DACH2: variants seen among roughly 807,000 people sequenced by gnomAD.
DACH2 encodes dachshund homolog 2.
A neutral mutation model predicts 35.8 loss-of-function variants in DACH2; 17 were observed. The ratio of observed to expected loss-of-function variants is 0.48; its 90% CI spans 0.33 to 0.71. The LOEUF is 0.71. DACH2 is among the 30% of genes least tolerant of loss of function. The pLI is 0.02. For synonymous variants in DACH2, 195 were observed against 177.3 expected (o/e 1.10, Z -0.79); for missense variants, 469 against 472.7 (o/e 0.99, Z 0.07).
chrX:86,765,481 A>G (rs942419177), intron 7 of DACH2, among the ~76,000 whole-genome samples: 41 of 110,762 alleles, frequency 3.7e-4, no homozygotes, highest in African/African-American at 1.3e-3. Context: ...CCATTTATTG[A>G]ATAGGGAGTA....
At chrX:86,282,820 C>T (rs2034062137) in intron 1 of DACH2, among the ~76,000 whole-genome samples, 1 of 19,702 alleles carries the variant, frequency 5.1e-5, no homozygotes. Context: ...CTCTGTCGCC[C>T]AGGCTGGAGT....
At chrX:86,283,895 T>TAC (rs1214367028) in intron 1 of DACH2, among the ~76,000 whole-genome samples, 3,952 of 59,476 alleles carry the variant, frequency 0.066, 194 homozygotes, top group African/African-American at 0.26. Flanking sequence ...CACACACACA[T>TAC]ACACACACAC....
chrX:86,588,404 A>C (rs989682304), intron 3 of DACH2, among the ~76,000 whole-genome samples: 4 of 111,913 alleles, frequency 3.6e-5, no homozygotes, highest in Admixed American at 1.9e-4. Context: ...GCAAAAAGTG[A>C]CATTGGTAGC....
intron 3 of DACH2, among the ~76,000 whole-genome samples, chrX:86,533,824 T>A (rs777621767): frequency 1.5e-4 from 17 of 111,520 alleles, no homozygotes; most frequent in African/African-American, 3.9e-4. Flanking sequence ...ATTTTTTTTT[T>A]AATTCCAGAA....
rs564903357 is a variant in DACH2 at position 86,168,217 on chromosome X, A to G, written c.488+19109A>G. Among the ~76,000 whole-genome samples the G allele has an allele frequency of 5.6e-4, 62 of 111,567 alleles. No individual in the cohort carries two copies. The South Asian group carries it at 0.023, about 41-fold the overall frequency. ...TTTTCTTTATATGGCTGGATGCTCC[A>G]TTATTGGGTGCACAGTTATTTACAA... On this transcript the variant is annotated intron_variant, in intron 1 of 11. Coordinates refer to ENST00000373125, the MANE Select transcript of DACH2 (RefSeq NM_053281.3).
At chrX:86,659,184 G>GT (rs1187368829) in intron 4 of DACH2, among the ~76,000 whole-genome samples, 22 of 107,610 alleles carry the variant, frequency 2.0e-4, no homozygotes, top group South Asian at 8.1e-4. Context: ...TTTTGAGAGG[G>GT]TTTTTTTTTC....
intron 5 of DACH2, among the ~76,000 whole-genome samples, chrX:86,695,795 G>C (rs1215642043): frequency 9.0e-6 from 1 of 110,685 alleles, no homozygotes; most frequent in Non-Finnish European, 1.9e-5. Flanking sequence ...TTACAGGTGT[G>C]AGCCACCACA....
chrX:86,234,682 C>T (rs950034546), intron 1 of DACH2, among the ~76,000 whole-genome samples: 3 of 107,880 alleles, frequency 2.8e-5, no homozygotes, highest in Non-Finnish European at 5.7e-5. Context: ...GGTGCGATCT[C>T]GGCTCACTGC....
intron 2 of DACH2, among the ~76,000 whole-genome samples, chrX:86,473,361 A>G (rs988020824): frequency 9.0e-6 from 1 of 111,470 alleles, no homozygotes; most frequent in East Asian, 2.8e-4. Context: ...CCTTTATGTT[A>G]TAGACAATCC....
intron 4 of DACH2, among the ~76,000 whole-genome samples, chrX:86,688,132 T>G (rs1424615522): frequency 1.8e-5 from 2 of 112,279 alleles, no homozygotes; most frequent in African/African-American, 6.5e-5. Flanking sequence ...CTCAGAGTCT[T>G]AGCACATTTC....
At chrX:86,478,419 G>A (rs1299133040) in intron 2 of DACH2, among the ~76,000 whole-genome samples, 1 of 110,758 alleles carries the variant, frequency 9.0e-6, no homozygotes, top group Non-Finnish European at 1.9e-5. Context: ...CCTTAAATAT[G>A]TCATGCCACT....
At chrX:86,760,495 C>T (rs927372377) in intron 7 of DACH2, among the ~76,000 whole-genome samples, 40 of 111,603 alleles carry the variant, frequency 3.6e-4, no homozygotes, top group African/African-American at 1.3e-3. Context: ...ATTATTGAAA[C>T]TTTCAGATGT....
chrX:86,410,304 C>T (rs962052340), intron 2 of DACH2, among the ~76,000 whole-genome samples: 3 of 112,310 alleles, frequency 2.7e-5, no homozygotes, highest in Non-Finnish European at 3.8e-5. Context: ...TGCACATCAA[C>T]AGCAGACACT....
intron 1 of DACH2, among the ~76,000 whole-genome samples, chrX:86,280,041 C>A: frequency 9.0e-6 from 1 of 110,934 alleles, no homozygotes; most frequent in South Asian, 3.8e-4. Context: ...AGGATATTAT[C>A]CAGGAGAACT....
intron 7 of DACH2, among the ~76,000 whole-genome samples, chrX:86,804,080 C>A (rs898167163): frequency 1.8e-5 from 2 of 111,996 alleles, no homozygotes; most frequent in Non-Finnish European, 3.8e-5. Context: ...TCAGACCAGA[C>A]ATGTTTCCAT....
intron 3 of DACH2, among the ~76,000 whole-genome samples, chrX:86,608,074 T>C (rs1303338303): frequency 1.8e-5 from 2 of 109,617 alleles, no homozygotes; most frequent in African/African-American, 6.7e-5. Flanking sequence ...TGTGTCTTTA[T>C]AGCAGCATGA....
At chrX:86,377,469 T>A (rs1197748217) in intron 2 of DACH2, among the ~76,000 whole-genome samples, 2 of 110,978 alleles carry the variant, frequency 1.8e-5, no homozygotes, top group African/African-American at 6.5e-5. Context: ...ATGAAAATCT[T>A]AGTAAAAGGG....
In DACH2 at chrX:86,265,946, C is replaced by A. The variant is rs1223666863; in HGVS notation, c.489-110878C>A. On this transcript the variant is annotated intron_variant, in intron 1 of 11. Coordinates refer to ENST00000373125, the MANE Select transcript of DACH2 (RefSeq NM_053281.3). Reference sequence around the variant, plus strand: ...GTGTAATGTAGATAATACGTATGTGCATGTGTGTATGTGTGTGTGTATGTG... The same window carrying A: ...GTGTAATGTAGATAATACGTATGTGAATGTGTGTATGTGTGTGTGTATGTG... 2.7e-5 allele frequency among the ~76,000 whole-genome samples: 3 copies of A among 110,901 alleles called. No homozygotes were observed. The Admixed American group carries it at 2.9e-4, about 11-fold the overall frequency.
chrX:86,651,042 C>T lies in DACH2; in HGVS notation c.647C>T (p.Thr216Ile), dbSNP rs759214923. 1 of 1,203,353 alleles carries T rather than the reference C, an allele frequency of 8.3e-7. No individual in the cohort carries two copies. ...GGAATAATTCTGCTTTTAGGTATAA[C>T]AGCTGCAGCGATGGCTGAGGCGATG... is the stretch of plus-strand genomic sequence containing the variant. ...SPGLITPTGI[T>I]AAAMAEAMKL... Residue 216 changes from threonine (T) to isoleucine (I), a missense_variant, in exon 4 of 12, where the codon ACA becomes ATA. Physicochemically the swap from Thr to Ile is moderately conservative, Grantham distance 89. Coordinates refer to ENST00000373125, the MANE Select transcript of DACH2 (RefSeq NM_053281.3).
Sources: gnomAD v4.1 joint callset for allele counts (sites outside exome capture counted in the v4.1 genomes callset) on GRCh38, gnomAD v4.1.1 for gene constraint, MANE v1.5 for transcripts, NCBI Gene and HGNC (gene_info 2026-07-23, HGNC 2026-07-21) for gene names.